Variants in EFHD1 observed in about 807,000 individuals in gnomAD.
EFHD1 encodes the protein EF-hand domain family member D1, also known as EF-hand domain-containing protein D1.
Under a neutral mutation model 17.2 loss-of-function variants are expected in EFHD1, and 10 were observed. The ratio of observed to expected loss-of-function variants is 0.58; its 90% CI spans 0.36 to 0.99. The LOEUF (loss-of-function observed/expected upper bound fraction) is 0.99. Among genes scored for constraint, EFHD1 ranks in the 50% least tolerant of loss-of-function variants. The probability of loss-of-function intolerance (pLI) is 0.01; values close to 1 mark genes in which losing one functional copy is unlikely to be tolerated. For missense variants in EFHD1, 310 were observed against 327.5 expected (o/e 0.95, Z 0.41); for synonymous variants, 153 against 142.0 (o/e 1.08, Z -0.55).
intron 3 of EFHD1, among the ~76,000 whole-genome samples, chr2:232,676,554 T>C (rs1235463137): frequency 6.6e-6 from 1 of 152,194 alleles, no homozygotes; most frequent in Non-Finnish European, 1.5e-5. Context: ...AGCTGGGCTC[T>C]CCTGGAGCCG....
chr2:232,606,719 TAA>T (rs34085504), intron 1 of EFHD1: 1,905 of 101,772 alleles, frequency 0.019, 51 homozygotes, highest in Admixed American at 0.079. Context: ...CCGTCTCTAC[TAA>T]AAAAAAAAAA....
At chr2:232,612,996 G>T (rs1249265130) in intron 1 of EFHD1, among the ~76,000 whole-genome samples, 1 of 151,966 alleles carries the variant, frequency 6.6e-6, no homozygotes, top group Non-Finnish European at 1.5e-5. Flanking sequence ...GCCTCCCAAA[G>T]TGCTGGGATT....
upstream of EFHD1, among the ~76,000 whole-genome samples, chr2:232,630,229 T>C (rs376329919): frequency 6.6e-5 from 10 of 152,218 alleles, no homozygotes; most frequent in East Asian, 1.7e-3. Context: ...GGATTATAGG[T>C]GTGAGCCACC....
upstream of EFHD1, among the ~76,000 whole-genome samples, chr2:232,633,027 CTCTCT>C: frequency 6.6e-6 from 1 of 152,372 alleles, no homozygotes; most frequent in Admixed American, 6.5e-5. Context: ...CGTTTGCTCT[CTCTCT>C]TTTTTGTTTG....
At chr2:232,655,894 C>T (rs1183190414) in intron 1 of EFHD1, among the ~76,000 whole-genome samples, 1 of 151,842 alleles carries the variant, frequency 6.6e-6, no homozygotes, top group African/African-American at 2.4e-5. Flanking sequence ...GCAAGCTCCG[C>T]CTCCTGGGTT....
intron 1 of EFHD1, among the ~76,000 whole-genome samples, chr2:232,649,053 T>C (rs987834718): frequency 9.9e-5 from 15 of 152,134 alleles, no homozygotes; most frequent in African/African-American, 3.6e-4. Flanking sequence ...TTTCCATGAA[T>C]GGCAGGATAA....
chr2:232,618,462 C>T (rs1202112840), intron 1 of EFHD1, among the ~76,000 whole-genome samples: 1 of 151,956 alleles, frequency 6.6e-6, no homozygotes, highest in East Asian at 1.9e-4. Flanking sequence ...GTGGCGTGCG[C>T]CTATAATCCC....
chr2:232,664,804 G>A (rs1167313256), intron 2 of EFHD1, among the ~76,000 whole-genome samples: 1 of 151,108 alleles, frequency 6.6e-6, no homozygotes, highest in African/African-American at 2.4e-5. Context: ...TAGTAGAGAC[G>A]GGGTTTCACC....
At chr2:232,662,514 G>GA in intron 1 of EFHD1, among the ~76,000 whole-genome samples, 1 of 152,082 alleles carries the variant, frequency 6.6e-6, no homozygotes, top group East Asian at 1.9e-4. Context: ...GAAACTGGGG[G>GA]AAATAAAGGT....
At chr2:232,670,034 G>A (rs1257999437) in intron 2 of EFHD1, among the ~76,000 whole-genome samples, 1 of 152,180 alleles carries the variant, frequency 6.6e-6, no homozygotes, top group Non-Finnish European at 1.5e-5. Context: ...GAACGTATCA[G>A]TTTATATTCT....
At chr2:232,678,182 C>T (rs1326181681) in intron 3 of EFHD1, among the ~76,000 whole-genome samples, 1 of 151,424 alleles carries the variant, frequency 6.6e-6, no homozygotes, top group South Asian at 2.1e-4. Context: ...ACTCGGGAGG[C>T]AGGAGAATCA....
In EFHD1 at chr2:232,682,007, C is replaced by G; in HGVS notation, c.*288C>G. On this transcript the variant is annotated 3_prime_UTR_variant, in exon 4 of 4. Coordinates refer to ENST00000264059, the MANE Select transcript of EFHD1 (RefSeq NM_025202.4). ...TCAGCAACCTTCACTTTGTCCTTGT[C>G]CCTTTACCATTCCCCATCAAAGAGT... 2.8e-6 allele frequency: 1 copy of G among 356,842 alleles called. No individual in the cohort carries two copies. The highest frequency in any genetic ancestry group is 5.2e-5 in the East Asian group (1 of 19,206). The allele number at this position is 356,842 out of a possible 1,614,324, so 22.1% of individuals were successfully genotyped here.
upstream of EFHD1, among the ~76,000 whole-genome samples, chr2:232,630,446 G>C (rs1470602899): frequency 6.6e-6 from 1 of 152,160 alleles, no homozygotes; most frequent in Admixed American, 6.5e-5. Flanking sequence ...CCTCAGGGGC[G>C]GGACATAGCT....
chr2:232,627,060 A>T (rs1441954301), intron 1 of EFHD1, among the ~76,000 whole-genome samples: 152 of 117,694 alleles, frequency 1.3e-3, no homozygotes, highest in Non-Finnish European at 1.9e-3. Context: ...ATATATATAT[A>T]TATATTTTTT....
chr2:232,625,352 C>G (rs1694088834), intron 1 of EFHD1, among the ~76,000 whole-genome samples: 1 of 150,746 alleles, frequency 6.6e-6, no homozygotes, highest in African/African-American at 2.4e-5. Flanking sequence ...TTGCCCAGGA[C>G]TGGTCTTGAA....
intron 1 of EFHD1, among the ~76,000 whole-genome samples, chr2:232,652,373 A>G (rs923741971): frequency 3.3e-5 from 5 of 152,044 alleles, no homozygotes; most frequent in African/African-American, 1.2e-4. Flanking sequence ...CTGAGCACAC[A>G]CTGTGCCTTC....
intron 1 of EFHD1, among the ~76,000 whole-genome samples, chr2:232,635,923 C>T (rs1433009927): frequency 2.0e-5 from 3 of 152,088 alleles, no homozygotes; most frequent in African/African-American, 7.2e-5. Context: ...GTTGAGTTTT[C>T]TGTCACTTGC....
chr2:232,678,973 G>A (rs929242982), intron 3 of EFHD1, among the ~76,000 whole-genome samples: 4 of 152,116 alleles, frequency 2.6e-5, no homozygotes, highest in South Asian at 2.1e-4. Flanking sequence ...ATCCTTTTGC[G>A]GTTCATAATG....
At chr2:232,647,557 A>G (rs1360814614) in intron 1 of EFHD1, among the ~76,000 whole-genome samples, 1 of 152,070 alleles carries the variant, frequency 6.6e-6, no homozygotes, top group Non-Finnish European at 1.5e-5. Flanking sequence ...TGATATCCAC[A>G]GGGCTCCTGG....
Sources: allele counts gnomAD v4.1 joint callset (sites outside exome capture counted in the v4.1 genomes callset), GRCh38; gene constraint gnomAD v4.1.1; transcripts MANE v1.5; gene names NCBI Gene and HGNC (gene_info 2026-07-23, HGNC 2026-07-21).